The following RELB variants were observed in gnomAD, a reference collection of about 807,000 sequenced individuals.
RELB encodes the protein RELB proto-oncogene, NF-kB subunit.
Under a neutral mutation model 55.4 loss-of-function variants are expected in RELB, and 14 were observed. The ratio of observed to expected loss-of-function variants is 0.25; its 90% CI spans 0.17 to 0.40. The LOEUF (loss-of-function observed/expected upper bound fraction) is 0.40. Among genes scored for constraint, RELB ranks in the 10% least tolerant of loss-of-function variants. The pLI is 1.00. For missense variants in RELB, 669 were observed against 830.7 expected (o/e 0.81, Z 2.39); for synonymous variants, 409 against 371.3 (o/e 1.10, Z -1.17).
At position 45,037,570 on chromosome 19, in the gene RELB, C is replaced by T. The variant is rs780107550; in HGVS notation, c.1520C>T (p.Pro507Leu). ...TLFTMLDLLP[P>L]APPHASAVVC... ...TTCACCATGCTGGACCTGCTGCCCCCGGCACCGCCACACGCTAGCGCTGTT... is the reference window on the plus strand; with the variant it reads ...TTCACCATGCTGGACCTGCTGCCCCTGGCACCGCCACACGCTAGCGCTGTT... Residue 507 changes from proline (P) to leucine (L), a missense_variant, in exon 12 of 12, where the codon CCG becomes CTG. Around this residue, in one of 3 missense-constraint regions of RELB, gnomAD observed 341 missense variants for 436.8 expected, o/e 0.78. Transcript: ENST00000221452. 20 of 1,612,424 alleles carry T rather than the reference C, an allele frequency of 1.2e-5. No individual in the cohort carries two copies. The highest frequency in any genetic ancestry group is 6.7e-5 in the African/African-American group (5 of 74,852).
Position 45,025,417 on chromosome 19 carries a change from A to G in RELB, c.751A>G (p.Asn251Asp), listed in dbSNP as rs1971546279. ...RKIQLGIDPYNAGSLKNHQEV... is the reference protein window; with the variant it reads ...RKIQLGIDPYDAGSLKNHQEV... ...GATTCAACTGGGCATTGACCCCTAC[A>G]ACGGTGAGCACCCCCTGCCTGACCT... Residue 251 changes from asparagine (N) to aspartate (D), a missense_variant, in exon 6 of 12, where the codon AAC becomes GAC. By Grantham distance (23) the Asn-to-Asp change is conservative (BLOSUM62 1). Around this residue, in one of 3 missense-constraint regions of RELB, gnomAD observed 323 missense variants for 368.5 expected, o/e 0.88. Coordinates refer to ENST00000221452, the MANE Select transcript of RELB (RefSeq NM_006509.4). 1.9e-6 allele frequency: 3 copies of G among 1,610,542 alleles called. No individual in the cohort carries two copies. Among genetic ancestry groups the G allele is most frequent in the South Asian group, 1.1e-5 (1 of 90,494 alleles).
chr19:45,034,529 G>T lies in RELB; in HGVS notation c.1354+1G>T. The T allele has an allele frequency of 1.3e-6, 2 of 1,595,934 alleles. No homozygotes were observed. The highest frequency in any genetic ancestry group is 1.7e-6 in the Non-Finnish European group (2 of 1,171,516). On this transcript the variant is annotated splice_donor_variant, in intron 11 of 11. Transcript: ENST00000221452. LOFTEE classifies it high-confidence loss of function. ...CACTTCCTGCCCAACCACGGCTCAGGTGGGTCCCAGCTACACATAAGCCCC... is the reference window on the plus strand; with the variant it reads ...CACTTCCTGCCCAACCACGGCTCAGTTGGGTCCCAGCTACACATAAGCCCC...
rs989604806 is a variant in RELB, at chr19:45,032,520, C to A, written c.992-14C>A. The A allele has an allele frequency of 2.2e-5, 35 of 1,603,666 alleles. No homozygotes were observed. Among genetic ancestry groups the A allele is most frequent in the Non-Finnish European group, 2.9e-5 (34 of 1,174,372 alleles). On this transcript the variant is annotated splice_polypyrimidine_tract_variant and intron_variant, in intron 8 of 11. Transcript: ENST00000221452. ...GATGTCCTGGCTTAGCTGATGTCCC[C>A]CGTTTCCTGCCAGAGGACATATCAG...
chr19:45,023,433 C>CTTCCTTCCTTCT (rs56394611), intron 5 of RELB, among the ~76,000 whole-genome samples: 1 of 150,454 alleles, frequency 6.6e-6, no homozygotes, highest in African/African-American at 2.5e-5. Context: ...TCCTTCCTTC[C>CTTCCTTCCTTCT]GTCCTTCTTT....
At chr19:45,021,940 C>G (rs1391531714) in intron 4 of RELB, 113 bp from the exon 5 acceptor site, 2 of 1,089,848 alleles carry the variant, frequency 1.8e-6, no homozygotes, top group Non-Finnish European at 2.6e-6. Context: ...GAGCTCCCAA[C>G]AGAGGACCCT....
chr19:45,032,846 T>G (rs1221082158), intron 9 of RELB, 97 bp downstream of exon 9: 6 of 996,850 alleles, frequency 6.0e-6, no homozygotes, highest in Non-Finnish European at 7.5e-6. Context: ...AGAACTAGAA[T>G]GCAGGCTCAG....
At chr19:45,022,314 C>T in intron 5 of RELB, 104 bp downstream of exon 5, 1 of 1,153,012 alleles carries the variant, frequency 8.7e-7, no homozygotes, top group East Asian at 2.5e-5. Flanking sequence ...TTGGGTAAAC[C>T]CTCCCCACTG....
intron 2 of RELB, among the ~76,000 whole-genome samples, chr19:45,008,078 G>A (rs959782796): frequency 2.0e-5 from 3 of 149,966 alleles, no homozygotes; most frequent in African/African-American, 7.4e-5. Flanking sequence ...GCTGAGACAG[G>A]AGAATCACTT....
At chr19:45,036,644 A>C (rs1971688931) in intron 11 of RELB, among the ~76,000 whole-genome samples, 1 of 152,038 alleles carries the variant, frequency 6.6e-6, no homozygotes, top group African/African-American at 2.4e-5. Flanking sequence ...CAGCTGTGTG[A>C]GCCTTCCATT....
chr19:45,032,057 G>GA (rs1396130643), intron 8 of RELB, among the ~76,000 whole-genome samples: 1 of 149,546 alleles, frequency 6.7e-6, no homozygotes, highest in East Asian at 2.1e-4. Context: ...CCAACGTGGT[G>GA]AAACCCCGTC....
intron 5 of RELB, among the ~76,000 whole-genome samples, chr19:45,022,605 T>C (rs888833200): frequency 1.3e-5 from 2 of 149,870 alleles, no homozygotes; most frequent in African/African-American, 4.9e-5. Flanking sequence ...TGGAGTGCAA[T>C]GGTTCGATCT....
intron 2 of RELB, among the ~76,000 whole-genome samples, chr19:45,005,409 G>A (rs1182317543): frequency 6.6e-6 from 1 of 152,164 alleles, no homozygotes; most frequent in East Asian, 1.9e-4. Context: ...GGGTAGTCCT[G>A]TTGTTATGAA....
intron 2 of RELB, among the ~76,000 whole-genome samples, chr19:45,004,697 A>G (rs34648425): frequency 0.045 from 6,744 of 151,536 alleles, 481 homozygotes; most frequent in African/African-American, 0.15. Context: ...GAGAAACACC[A>G]TCTCTACTAA....
Position 45,001,507 on chromosome 19 carries a change from C to T in RELB, c.-73C>T, listed in dbSNP as rs1367588452. ...CGTCCTGCCCGGCCTGCGGCCCCAGCCCTTGCGCCGCTCGTCCGACCCGCG... is the reference window on the plus strand; with the variant it reads ...CGTCCTGCCCGGCCTGCGGCCCCAGTCCTTGCGCCGCTCGTCCGACCCGCG... On this transcript the variant is annotated 5_prime_UTR_variant, in exon 1 of 12. Coordinates refer to ENST00000221452, the MANE Select transcript of RELB (RefSeq NM_006509.4). The T allele has an allele frequency of 7.7e-6, 6 of 776,100 alleles. No individual in the cohort carries two copies. The highest frequency in any genetic ancestry group is 1.1e-5 in the Non-Finnish European group (6 of 565,408). The allele number at this position is 776,100 out of a possible 1,614,324, so 48.1% of individuals were successfully genotyped here. A position where few individuals can be genotyped will look rare whatever the true frequency, so the allele number is the denominator to read the frequency against.
At chr19:45,008,017 A>G (rs1364787839) in intron 2 of RELB, among the ~76,000 whole-genome samples, 1 of 145,420 alleles carries the variant, frequency 6.9e-6, no homozygotes, top group African/African-American at 2.6e-5. Context: ...AAAAAAAAAA[A>G]AAAAAAGCCG....
At chr19:45,035,439 A>G (rs1971675011) in intron 11 of RELB, among the ~76,000 whole-genome samples, 1 of 152,072 alleles carries the variant, frequency 6.6e-6, no homozygotes, top group South Asian at 2.1e-4. Flanking sequence ...AATCACTTGA[A>G]CCCAGGAGGT....
chr19:45,017,807 G>A (rs953582746), intron 4 of RELB, among the ~76,000 whole-genome samples: 2 of 150,398 alleles, frequency 1.3e-5, no homozygotes, highest in Non-Finnish European at 1.5e-5. Flanking sequence ...CATCATGCCT[G>A]GCTAATTTTG....
intron 8 of RELB, among the ~76,000 whole-genome samples, chr19:45,031,828 G>T (rs982876280): frequency 6.7e-6 from 1 of 149,656 alleles, no homozygotes; most frequent in Non-Finnish European, 1.5e-5. Flanking sequence ...CGCCTGCCTC[G>T]GCCTCCCAAA....
chr19:45,023,393 T>TTTCC (rs58473606), intron 5 of RELB, among the ~76,000 whole-genome samples: 17,738 of 144,618 alleles, frequency 0.12, 1,269 homozygotes, highest in South Asian at 0.23. Flanking sequence ...TGCAGTTTTC[T>TTTCC]TTCCTTCCTT....
Sources: allele counts gnomAD v4.1 joint callset (sites outside exome capture counted in the v4.1 genomes callset), GRCh38; gene constraint gnomAD v4.1.1; regional missense constraint gnomAD v4.1.1; transcripts MANE v1.5; gene names NCBI Gene and HGNC (gene_info 2026-07-23, HGNC 2026-07-21).